CACNA2D3: variants seen among roughly 807,000 people sequenced by gnomAD.
CACNA2D3 encodes calcium voltage-gated channel auxiliary subunit alpha2delta 3.
CACNA2D3 carries 60 observed loss-of-function variants against 160.6 expected under a neutral mutation model. The ratio of observed to expected loss-of-function variants is 0.37; its 90% CI spans 0.30 to 0.46. CACNA2D3 has a LOEUF of 0.46. Ranked by LOEUF, CACNA2D3 falls within the 20% of genes least tolerant of loss-of-function variation. CACNA2D3 has a pLI of 1.00. For synonymous variants in CACNA2D3, 558 were observed against 492.9 expected (o/e 1.13, Z -1.75); for missense variants, 1,205 against 1,365.0 (o/e 0.88, Z 1.85).
chr3:54,750,299 C>T (rs539076428), intron 11 of CACNA2D3, among the ~76,000 whole-genome samples: 1 of 152,318 alleles, frequency 6.6e-6, no homozygotes, highest in East Asian at 1.9e-4. Context: ...CTCATAGCTT[C>T]ATTTCCTCAG....
intron 9 of CACNA2D3, among the ~76,000 whole-genome samples, chr3:54,583,475 G>T (rs1178701128): frequency 6.6e-6 from 1 of 152,158 alleles, no homozygotes; most frequent in African/African-American, 2.4e-5. Context: ...TTATAACTGA[G>T]AAGCCCTAGA....
chr3:54,952,330 C>T (rs953349570), intron 27 of CACNA2D3, among the ~76,000 whole-genome samples: 2 of 152,182 alleles, frequency 1.3e-5, no homozygotes, highest in African/African-American at 4.8e-5. Flanking sequence ...TGCCTAGTTT[C>T]CCAGGAGGCT....
At chr3:55,007,169 AAT>A (rs376351193) in intron 32 of CACNA2D3, among the ~76,000 whole-genome samples, 1 of 152,314 alleles carries the variant, frequency 6.6e-6, no homozygotes, top group Non-Finnish European at 1.5e-5. Context: ...AATATTCTGA[AAT>A]AAAGATTAGG....
intron 2 of CACNA2D3, among the ~76,000 whole-genome samples, chr3:54,185,670 A>G (rs1576985912): frequency 1.3e-5 from 2 of 152,202 alleles, no homozygotes; most frequent in Admixed American, 1.3e-4. Context: ...TGTTACAAAT[A>G]CTCGACTCTG....
intron 13 of CACNA2D3, among the ~76,000 whole-genome samples, chr3:54,765,434 C>G (rs1702205844): frequency 6.6e-6 from 1 of 152,168 alleles, no homozygotes; most frequent in Admixed American, 6.5e-5. Flanking sequence ...TTCTCCGATG[C>G]TAGGGAGACC....
chr3:54,292,170 A>T (rs1703223709), intron 2 of CACNA2D3, among the ~76,000 whole-genome samples: 1 of 152,218 alleles, frequency 6.6e-6, no homozygotes. Flanking sequence ...AAATGAGTCA[A>T]AAAACCTAAA....
At chr3:55,011,904 A>G (rs532271901) in intron 34 of CACNA2D3, among the ~76,000 whole-genome samples, 2 of 145,606 alleles carry the variant, frequency 1.4e-5, no homozygotes, top group Non-Finnish European at 1.5e-5. Flanking sequence ...CTTTTCCACA[A>G]TTTTACTAAT....
intron 32 of CACNA2D3, among the ~76,000 whole-genome samples, chr3:55,006,940 T>G (rs1348237732): frequency 6.6e-6 from 1 of 152,164 alleles, no homozygotes; most frequent in Non-Finnish European, 1.5e-5. Context: ...CACAAAAGGT[T>G]CTGAGATTCT....
At chr3:54,563,527 C>G (rs566978170) in intron 6 of CACNA2D3, among the ~76,000 whole-genome samples, 76 of 152,176 alleles carry the variant, frequency 5.0e-4, no homozygotes, top group Non-Finnish European at 6.5e-4. Context: ...GCCTTTGGAA[C>G]AGGTGTTCCT....
At chr3:54,455,250 C>T (rs899641586) in intron 4 of CACNA2D3, among the ~76,000 whole-genome samples, 1 of 152,020 alleles carries the variant, frequency 6.6e-6, no homozygotes, top group Non-Finnish European at 1.5e-5. Flanking sequence ...GCCTCCTCAC[C>T]AACATTTGCT....
At chr3:54,238,761 C>T (rs1701927622) in intron 2 of CACNA2D3, among the ~76,000 whole-genome samples, 1 of 152,194 alleles carries the variant, frequency 6.6e-6, no homozygotes, top group African/African-American at 2.4e-5. Flanking sequence ...AGTTATCTCT[C>T]TAATGCAGTT....
At chr3:54,724,477 G>A (rs1432287145) in intron 11 of CACNA2D3, among the ~76,000 whole-genome samples, 8 of 152,044 alleles carry the variant, frequency 5.3e-5, no homozygotes, top group East Asian at 1.9e-4. Context: ...TCTTTTCAGC[G>A]CCTCACTGCA....
rs546325605 is a variant in CACNA2D3, at chr3:54,903,285, G to A, written c.2449+3417G>A. Among the ~76,000 whole-genome samples, 10 of 152,088 alleles carry A rather than the reference G, an allele frequency of 6.6e-5. No individual in the cohort carries two copies. In the East Asian group the frequency reaches 1.4e-3, roughly 21 times the overall value. ...TGTGTTCTCATCATTTAGCTCCCAC[G>A]TATAAGTGAGAACATGCGGTATTTG... is the stretch of plus-strand genomic sequence containing the variant. On this transcript the variant is annotated intron_variant, in intron 27 of 37. Transcript: ENST00000474759.
intron 4 of CACNA2D3, among the ~76,000 whole-genome samples, chr3:54,462,527 C>T (rs544535237): frequency 2.8e-4 from 43 of 151,970 alleles, no homozygotes; most frequent in Admixed American, 1.0e-3. Flanking sequence ...TACCATTATG[C>T]AATGGCCTTC....
At chr3:54,786,481 A>C (rs1702643802) in intron 13 of CACNA2D3, among the ~76,000 whole-genome samples, 1 of 152,152 alleles carries the variant, frequency 6.6e-6, no homozygotes, top group Non-Finnish European at 1.5e-5. Flanking sequence ...TGGGCCAGTT[A>C]TTATACAATA....
At chr3:54,607,242 TC>T (rs1242159575) in intron 9 of CACNA2D3, among the ~76,000 whole-genome samples, 1 of 152,174 alleles carries the variant, frequency 6.6e-6, no homozygotes, top group East Asian at 1.9e-4. Flanking sequence ...GATCTGTTTC[TC>T]CCCACCTCCT....
intron 2 of CACNA2D3, among the ~76,000 whole-genome samples, chr3:54,264,713 G>A (rs578215189): frequency 2.0e-5 from 3 of 152,164 alleles, no homozygotes; most frequent in Non-Finnish European, 4.4e-5. Context: ...TCTTATTTAT[G>A]TATTATTTAT....
chr3:54,125,697 C>T (rs1276173756), intron 2 of CACNA2D3, among the ~76,000 whole-genome samples: 1 of 152,108 alleles, frequency 6.6e-6, no homozygotes, highest in Non-Finnish European at 1.5e-5. Flanking sequence ...CTGTTTTGGT[C>T]CACTATCCCC....
intron 11 of CACNA2D3, among the ~76,000 whole-genome samples, chr3:54,704,865 C>T (rs1287009654): frequency 6.6e-6 from 1 of 152,024 alleles, no homozygotes; most frequent in Non-Finnish European, 1.5e-5. Context: ...ACTTCCTTGA[C>T]CCAAAAAGGA....
Sources: allele counts gnomAD v4.1 joint callset (sites outside exome capture counted in the v4.1 genomes callset), GRCh38; gene constraint gnomAD v4.1.1; transcripts MANE v1.5; gene names NCBI Gene and HGNC (gene_info 2026-07-23, HGNC 2026-07-21).